Variants in ZNF678 observed in about 807,000 individuals in gnomAD.
The protein encoded by ZNF678 is hypothetical protein MGC42493.
ZNF678 carries 5 observed loss-of-function variants against 3.0 expected under a neutral mutation model. That is an observed-to-expected ratio of 1.69 (90% CI 0.88 to 3.56). ZNF678 has a LOEUF of 3.56. Ranked by LOEUF, ZNF678 falls within the 30% of genes most tolerant of loss-of-function variation. The probability of loss-of-function intolerance (pLI) is 0.00; values close to 1 mark genes in which losing one functional copy is unlikely to be tolerated. For synonymous variants in ZNF678, 218 were observed against 199.6 expected, an observed-to-expected ratio of 1.09 and a Z score of -0.78; for missense variants, 593 against 605.0, an observed-to-expected ratio of 0.98 and a Z score of 0.21.
intron 1 of ZNF678, among the ~76,000 whole-genome samples, chr1:227,605,002 C>T (rs984966736): frequency 2.6e-5 from 4 of 152,006 alleles, no homozygotes; most frequent in Non-Finnish European, 5.9e-5. Flanking sequence ...ACTACAGGGG[C>T]CCACCACCAC....
At chr1:227,605,007 C>T (rs1657828914) in intron 1 of ZNF678, among the ~76,000 whole-genome samples, 2 of 152,080 alleles carry the variant, frequency 1.3e-5, no homozygotes, top group African/African-American at 4.8e-5. Context: ...AGGGGCCCAC[C>T]ACCACGCCCA....
chr1:227,581,579 G>A (rs747388831), intron 1 of ZNF678, among the ~76,000 whole-genome samples: 14 of 152,212 alleles, frequency 9.2e-5, no homozygotes, highest in Admixed American at 3.3e-4. Context: ...TCTTAGTGGC[G>A]CATTGCTTCT....
At chr1:227,592,688 C>T (rs1350044307) in intron 1 of ZNF678, among the ~76,000 whole-genome samples, 3 of 152,194 alleles carry the variant, frequency 2.0e-5, no homozygotes, top group Non-Finnish European at 4.4e-5. Flanking sequence ...TTAAATTGAT[C>T]TGGTATTCCT....
chr1:227,617,697 T>C (rs1658175492), intron 1 of ZNF678, among the ~76,000 whole-genome samples: 1 of 152,224 alleles, frequency 6.6e-6, no homozygotes, highest in African/African-American at 2.4e-5. Flanking sequence ...TTTGCCTGGA[T>C]GGTCAGTGAT....
chr1:227,585,806 A>T (rs936332828), intron 1 of ZNF678, among the ~76,000 whole-genome samples: 2 of 152,090 alleles, frequency 1.3e-5, no homozygotes, highest in African/African-American at 4.8e-5. Flanking sequence ...TGTATTCTCT[A>T]GACGTTTAAA....
rs536182936 is a variant in ZNF678, at chr1:227,572,544, G to A, written c.-164+8820G>A. Among the ~76,000 whole-genome samples, 20 of 152,266 alleles carry A rather than the reference G, an allele frequency of 1.3e-4. No homozygotes were observed. The East Asian group carries it at 2.7e-3, about 21-fold the overall frequency. ...AAACTAGCTGGCCACTGCCTGGTGG[G>A]GAAGAGCGATGGGCACCCAATCCTA... On this transcript the variant is annotated intron_variant, in intron 1 of 3. Coordinates refer to ENST00000343776, the MANE Select transcript of ZNF678 (RefSeq NM_001367909.1).
chr1:227,645,119 T>G (rs866634278), intron 1 of ZNF678, among the ~76,000 whole-genome samples: 1 of 152,238 alleles, frequency 6.6e-6, no homozygotes, highest in Non-Finnish European at 1.5e-5. Context: ...TAGGAGCTCA[T>G]TGTTCCTGTC....
chr1:227,617,654 G>A (rs1299396171), intron 1 of ZNF678, among the ~76,000 whole-genome samples: 1 of 152,128 alleles, frequency 6.6e-6, no homozygotes, highest in East Asian at 1.9e-4. Context: ...TACATACTAT[G>A]GCGTATCAGT....
At chr1:227,620,444 C>T (rs1411513137) in intron 1 of ZNF678, among the ~76,000 whole-genome samples, 1 of 152,028 alleles carries the variant, frequency 6.6e-6, no homozygotes, top group Non-Finnish European at 1.5e-5. Flanking sequence ...GTGTACTCAC[C>T]CTTTTCACTG....
chr1:227,578,727 A>T (rs1234749543), intron 1 of ZNF678, among the ~76,000 whole-genome samples: 1 of 152,080 alleles, frequency 6.6e-6, no homozygotes, highest in Non-Finnish European at 1.5e-5. Flanking sequence ...CCATATTCTG[A>T]ATCCTATTTC....
chr1:227,623,409 C>T (rs1184088008), intron 1 of ZNF678, among the ~76,000 whole-genome samples: 1 of 152,194 alleles, frequency 6.6e-6, no homozygotes, highest in Non-Finnish European at 1.5e-5. Context: ...CTAAACTTAC[C>T]TGACAGGTTT....
At chr1:227,609,614 TA>T (rs1657964659) in intron 1 of ZNF678, among the ~76,000 whole-genome samples, 4 of 152,224 alleles carry the variant, frequency 2.6e-5, no homozygotes, top group Admixed American at 2.0e-4. Flanking sequence ...ATAACTACAT[TA>T]AAATTTACTT....
chr1:227,579,810 G>T (rs753893804), intron 1 of ZNF678, among the ~76,000 whole-genome samples: 1 of 152,216 alleles, frequency 6.6e-6, no homozygotes, highest in Non-Finnish European at 1.5e-5. Context: ...AGGCAAGACA[G>T]CCCTGTGGAG....
intron 1 of ZNF678, among the ~76,000 whole-genome samples, chr1:227,628,877 G>C (rs1254623530): frequency 5.3e-5 from 8 of 152,248 alleles, no homozygotes; most frequent in African/African-American, 1.9e-4. Context: ...TATTGGGTTT[G>C]AAGGATCTTC....
At chr1:227,598,794 T>G in intron 1 of ZNF678, 1 of 548,830 alleles carries the variant, frequency 1.8e-6, no homozygotes, top group East Asian at 4.0e-5. Flanking sequence ...TTTCTTATCC[T>G]CATTTTCACA....
chr1:227,620,542 C>G (rs1022993300), intron 1 of ZNF678, among the ~76,000 whole-genome samples: 2 of 152,140 alleles, frequency 1.3e-5, no homozygotes, highest in Admixed American at 1.3e-4. Context: ...ACAAAATATA[C>G]TTGTAAAGTT....
chr1:227,608,994 A>C (rs1422174900), intron 1 of ZNF678, among the ~76,000 whole-genome samples: 1 of 152,218 alleles, frequency 6.6e-6, no homozygotes, highest in African/African-American at 2.4e-5. Context: ...TATAAGCCAC[A>C]TAGGAAATCA....
intron 1 of ZNF678, among the ~76,000 whole-genome samples, chr1:227,645,889 G>C (rs1236926329): frequency 6.6e-6 from 1 of 152,148 alleles, no homozygotes; most frequent in Non-Finnish European, 1.5e-5. Context: ...AGTTTTCTCT[G>C]TATTATTAAG....
At chr1:227,647,428 A>AT (rs564121044) in intron 2 of ZNF678, among the ~76,000 whole-genome samples, 168 of 152,238 alleles carry the variant, frequency 1.1e-3, no homozygotes, top group Non-Finnish European at 2.1e-3. Context: ...GAGTCATGTT[A>AT]TTTTTTCTAA....
Sources: gnomAD v4.1 joint callset for allele counts (sites outside exome capture counted in the v4.1 genomes callset) on GRCh38, gnomAD v4.1.1 for gene constraint, MANE v1.5 for transcripts, NCBI Gene and HGNC (gene_info 2026-07-23, HGNC 2026-07-21) for gene names.